SLC4A1: variants seen among roughly 807,000 people sequenced by gnomAD.
SLC4A1 encodes the protein solute carrier family 4 member 1 (Diego blood group), also known as band 3 anion transport protein.
Under a neutral mutation model 93.1 loss-of-function variants are expected in SLC4A1, and 29 were observed. The ratio of observed to expected loss-of-function variants is 0.31; its 90% CI spans 0.23 to 0.42. The LOEUF (loss-of-function observed/expected upper bound fraction) is 0.42, where lower values mean the gene tolerates loss of function less well. Ranked by LOEUF, SLC4A1 falls within the 20% of genes least tolerant of loss-of-function variation. The pLI is 1.00. For missense variants in SLC4A1, 965 were observed against 1,190.1 expected (o/e 0.81, Z 2.78); for synonymous variants, 469 against 497.2 (o/e 0.94, Z 0.76).
At chr17:44,265,494 C>T (rs1471049246) in intron 1 of SLC4A1, among the ~76,000 whole-genome samples, 1 of 152,034 alleles carries the variant, frequency 6.6e-6, no homozygotes, top group Non-Finnish European at 1.5e-5. Context: ...CTCAGCCTCC[C>T]GAGTAGCTGG....
intron 6 of SLC4A1, 140 bp downstream of exon 6, chr17:44,260,264 A>C: frequency 9.1e-7 from 1 of 1,095,856 alleles, no homozygotes; most frequent in Non-Finnish European, 1.3e-6. Context: ...GGTGTCAGAG[A>C]TGGGAGCCAT....
chr17:44,251,720 C>CTTTTTT (rs67064853), intron 17 of SLC4A1, 132 bp from the exon 18 acceptor site: 4,891 of 392,660 alleles, frequency 0.012, 4 homozygotes, highest in African/African-American at 0.032. Context: ...CTTTTCTTTT[C>CTTTTTT]TTTTTTTTTT....
chr17:44,263,707 C>CTCCCTTCCCTCCTTCCTTCCTTCCT (rs1341539201), intron 1 of SLC4A1, among the ~76,000 whole-genome samples: 2 of 140,300 alleles, frequency 1.4e-5, no homozygotes, highest in African/African-American at 5.6e-5. Context: ...CCTCCCTTCC[C>CTCCCTTCCCTCCTTCCTTCCTTCCT]TCCTTCCTTC....
chr17:44,255,924 C>T (rs747657014), intron 13 of SLC4A1, 78 bp from the exon 14 acceptor site: 2 of 1,303,510 alleles, frequency 1.5e-6, no homozygotes, highest in Non-Finnish European at 2.2e-6. Context: ...TAACTCTACC[C>T]AGCACTACTA....
At chr17:44,255,389 C>T in intron 14 of SLC4A1, 93 bp from the exon 15 acceptor site, 4 of 945,224 alleles carry the variant, frequency 4.2e-6, no homozygotes, top group Admixed American at 2.0e-5. Flanking sequence ...GGGCCCTGCT[C>T]TTCCAGGGGA....
intron 1 of SLC4A1, among the ~76,000 whole-genome samples, chr17:44,266,301 C>T (rs745532214): frequency 1.2e-4 from 18 of 152,180 alleles, no homozygotes; most frequent in Non-Finnish European, 2.1e-4. Context: ...CACTTTCTTC[C>T]TTCTCTGGAC....
At chr17:44,261,762 G>A in intron 3 of SLC4A1, 126 bp from the exon 4 acceptor site, 1 of 1,543,912 alleles carries the variant, frequency 6.5e-7, no homozygotes, top group East Asian at 2.3e-5. Flanking sequence ...CCTGGGCTGG[G>A]TCTCTGGTGC....
At position 44,255,737 on chromosome 17, in the gene SLC4A1, G is replaced by C; in HGVS notation, c.1736C>G (p.Ala579Gly). ...CATCATGGCAAAGAAGAAGGTACCG[G>C]CCATGAGCACAAGGGAGAGGAGGGC... is the stretch of plus-strand genomic sequence containing the variant. ...NTALLSLVLMAGTFFFAMMLR... is the reference protein window; with the variant it reads ...NTALLSLVLMGGTFFFAMMLR... The change falls in exon 14 of 20, where the codon GCC becomes GGC. Residue 579 changes from alanine to glycine, a missense_variant. Transcript: ENST00000262418. The C allele has an allele frequency of 6.2e-7, 1 of 1,614,114 alleles. No homozygotes were observed. Among genetic ancestry groups the C allele is most frequent in the East Asian group, 2.2e-5 (1 of 44,874 alleles).
At position 44,254,605 on chromosome 17, in the gene SLC4A1, T is replaced by G; in HGVS notation, c.1948A>C (p.Ile650Leu). 1 of 1,614,028 alleles carries G rather than the reference T, an allele frequency of 6.2e-7. No individual in the cohort carries two copies. The highest frequency in any genetic ancestry group is 8.5e-7 in the Non-Finnish European group (1 of 1,179,966). Reference protein sequence around the residue: ...VSNSSARGWVIHPLGLRSEFP... With the variant: ...VSNSSARGWVLHPLGLRSEFP... The stretch of plus-strand genomic sequence containing the variant: ...TCGGAACGCAAGCCCAGTGGGTGGA[T>G]GACCCAGCCCCGGGCTGAGGAGTTG... Residue 650 changes from isoleucine (I) to leucine (L), a missense_variant, in exon 16 of 20, where the codon ATC becomes CTC. This residue lies in a region of SLC4A1 where 770 missense variants were observed against 1,006.6 expected (regional missense o/e 0.76). Transcript: ENST00000262418.
At chr17:44,263,715 TTC>T (rs2047470270) in intron 1 of SLC4A1, among the ~76,000 whole-genome samples, 3 of 138,018 alleles carry the variant, frequency 2.2e-5, no homozygotes, top group African/African-American at 9.3e-5. Context: ...CCCTCCTTCC[TTC>T]CTTCCTTCCT....
At position 44,258,344 on chromosome 17, in the gene SLC4A1, C is replaced by A; in HGVS notation, c.1087+69G>T. 6.6e-7 allele frequency: 1 copy of A among 1,506,726 alleles called. No individual in the cohort carries two copies. The highest frequency in any genetic ancestry group is 9.2e-7 in the Non-Finnish European group (1 of 1,083,132). The allele number at this position is 1,506,726 out of a possible 1,614,324, so 93.3% of individuals were successfully genotyped here. On this transcript the variant is annotated intron_variant, in intron 10 of 19. Transcript: ENST00000262418. This position sits in a 1 kb window ranked among gnomAD's most constrained non-coding sequence, Gnocchi z 6.1. ...TGAGAGGGGAACATGTGATGGGAGACAGAGGCTACGCTGAGGTGTCTGGGG... is the reference window on the plus strand; with the variant it reads ...TGAGAGGGGAACATGTGATGGGAGAAAGAGGCTACGCTGAGGTGTCTGGGG...
At position 44,259,381 on chromosome 17, in the gene SLC4A1, GC is replaced by G. The variant is rs762449133; in HGVS notation, c.695-38del. ...TGAGAAGATCAGGCCAGGCCGAGGA[GC>G]CCAGGGTGGGTGTGCTGAAGAGATG... On this transcript the variant is annotated intron_variant, in intron 8 of 19. Coordinates refer to ENST00000262418, the MANE Select transcript of SLC4A1 (RefSeq NM_000342.4). The G allele has an allele frequency of 2.0e-5, 33 of 1,611,902 alleles. 1 individual carries two copies. The African/African-American group carries it at 3.2e-4, about 16-fold the overall frequency.
rs1226027538 is a variant in SLC4A1 at position 44,255,342 on chromosome 17, C to T, written c.1801-46G>A. 1.4e-5 allele frequency: 20 copies of T among 1,420,926 alleles called. No homozygotes were observed. The Admixed American group carries it at 3.3e-4, about 24-fold the overall frequency. 88.0% of individuals were successfully genotyped at this position (1,420,926 alleles called of 1,614,324 possible). A position where few individuals can be genotyped will look rare whatever the true frequency, so the allele number is the denominator to read the frequency against. ...CAGTGGTCAGTGCCCAGTCACTCCC[C>T]ACCTCCTGCCTTCCTCCTGCCCTAT... On this transcript the variant is annotated intron_variant, in intron 14 of 19. Transcript: ENST00000262418.
At chr17:44,261,194 G>C (rs1407101072) in intron 4 of SLC4A1, among the ~76,000 whole-genome samples, 1 of 152,246 alleles carries the variant, frequency 6.6e-6, no homozygotes, top group Admixed American at 6.5e-5. Flanking sequence ...AAGGGCCATA[G>C]CTGAGGGCCA....
chr17:44,257,810 G>A lies in SLC4A1; in HGVS notation c.1283-3C>T. On this transcript the variant is annotated splice_polypyrimidine_tract_variant and splice_region_variant and intron_variant, in intron 11 of 19. Coordinates refer to ENST00000262418, the MANE Select transcript of SLC4A1 (RefSeq NM_000342.4). ...CATCTGGTTCCGGGTCTTTTCTCCT[G>A]TGGGTAGAGGTCACAGTGGGATCAA... 6.2e-7 allele frequency: 1 copy of A among 1,613,596 alleles called. No individual in the cohort carries two copies.
chr17:44,261,399 C>G (rs969839813), intron 4 of SLC4A1, among the ~76,000 whole-genome samples, 176 bp downstream of exon 4: 2 of 152,214 alleles, frequency 1.3e-5, no homozygotes, highest in African/African-American at 4.8e-5. Context: ...GGGGCCCAGG[C>G]CTCCCCATCA....
At chr17:44,250,658 C>T in intron 19 of SLC4A1, 120 bp from the exon 20 acceptor site, 2 of 769,006 alleles carry the variant, frequency 2.6e-6, no homozygotes, top group Admixed American at 2.0e-5. Flanking sequence ...AACCTTGGAC[C>T]AGTCCTGTTT....
chr17:44,260,564 G>C (rs1402910443), intron 5 of SLC4A1, 25 bp from the exon 6 acceptor site: 2 of 1,614,186 alleles, frequency 1.2e-6, no homozygotes, highest in Admixed American at 3.3e-5. Context: ...GGAGTGAGCT[G>C]GTAGGCTGGG....
intron 1 of SLC4A1, among the ~76,000 whole-genome samples, chr17:44,266,172 A>T (rs1429098988): frequency 2.0e-5 from 3 of 152,066 alleles, no homozygotes; most frequent in South Asian, 2.1e-4. Flanking sequence ...AGGACGAGGT[A>T]GTCCCTACTG....
Sources: gnomAD v4.1 joint callset for allele counts (sites outside exome capture counted in the v4.1 genomes callset) on GRCh38, gnomAD v4.1.1 for gene constraint, gnomAD v4.1.1 regional missense constraint, Gnocchi (gnomAD v3.1) non-coding constraint, MANE v1.5 for transcripts, NCBI Gene and HGNC (gene_info 2026-07-23, HGNC 2026-07-21) for gene names.